The following EVPLL variants were observed in gnomAD, a reference collection of about 807,000 sequenced individuals.
EVPLL encodes envoplakin like, also known as envoplakin-like protein.
In EVPLL, 39 loss-of-function variants were observed where a neutral mutation model predicts 46.2. That is an observed-to-expected ratio of 0.84 (90% CI 0.65 to 1.10). The LOEUF (loss-of-function observed/expected upper bound fraction) is 1.10, where lower values mean the gene tolerates loss of function less well. EVPLL is among the 50% of genes least tolerant of loss of function. The pLI is 0.00. For missense variants in EVPLL, 385 were observed against 412.6 expected (o/e 0.93, Z 0.58); for synonymous variants, 156 against 165.8 (o/e 0.94, Z 0.46).
chr17:18,382,657 T>C lies in EVPLL; in HGVS notation c.472+19T>C. On this transcript the variant is annotated intron_variant, in intron 5 of 10. Coordinates refer to ENST00000399134, the MANE Select transcript of EVPLL (RefSeq NM_001145127.2). ...GGGGCCGGTGGGTGAGCCGGGAAGA[T>C]GTTACATCCGGGGCCAGCCCCAGCC... 1 of 1,551,494 alleles carries C rather than the reference T, an allele frequency of 6.4e-7. No homozygotes were observed. Among genetic ancestry groups the C allele is most frequent in the Non-Finnish European group, 8.7e-7 (1 of 1,147,048 alleles).
Position 18,381,280 on chromosome 17 carries a change from C to A in EVPLL, c.64-87C>A. On this transcript the variant is annotated intron_variant, in intron 2 of 10. Coordinates refer to ENST00000399134, the MANE Select transcript of EVPLL (RefSeq NM_001145127.2). The surrounding 1 kb of genome is among the most constrained non-coding windows in gnomAD (Gnocchi z 4.2). ...AGGTTGGCCAGCATAGCTGGGGTCC[C>A]AAAGGTGGGGCTCAGGCCCACAATG... 6.8e-7 allele frequency: 1 copy of A among 1,463,496 alleles called. No homozygotes were observed. Among genetic ancestry groups the A allele is most frequent in the Non-Finnish European group, 9.0e-7 (1 of 1,107,560 alleles). 90.7% of individuals were successfully genotyped at this position (1,463,496 alleles called of 1,614,324 possible).
At chr17:18,382,447 G>A in intron 4 of EVPLL, 66 bp from the exon 5 acceptor site, 1 of 1,541,262 alleles carries the variant, frequency 6.5e-7, no homozygotes, top group Non-Finnish European at 8.8e-7. Flanking sequence ...CCGGGTGGGA[G>A]ACGTGTGGGG....
At chr17:18,378,136 T>C (rs1487643550) in intron 1 of EVPLL, among the ~76,000 whole-genome samples, 153 bp downstream of exon 1, 29 of 152,144 alleles carry the variant, frequency 1.9e-4, no homozygotes, top group Admixed American at 1.9e-3. Context: ...GGGTGGACTC[T>C]CTCCCTGCCT....
At chr17:18,384,322 C>T (rs769002805) in intron 9 of EVPLL, among the ~76,000 whole-genome samples, 1 of 150,946 alleles carries the variant, frequency 6.6e-6, no homozygotes, top group Non-Finnish European at 1.5e-5. Flanking sequence ...AAAATAAAAA[C>T]TAGCCAGGCA....
At chr17:18,386,161 C>T (rs1029192760) in intron 9 of EVPLL, among the ~76,000 whole-genome samples, 1 of 152,166 alleles carries the variant, frequency 6.6e-6, no homozygotes, top group African/African-American at 2.4e-5. Context: ...CGGGAAGGCT[C>T]TGTTCCAGGT....
Position 18,382,603 on chromosome 17 carries a change from G to T in EVPLL, c.437G>T (p.Arg146Leu), listed in dbSNP as rs1346120196. The stretch of plus-strand genomic sequence containing the variant: ...CAACATCGTGCAGAAGGAGATCAAC[G>T]ACCAAGGAGAGCAGCTGCGGAGCCT... ...GAQHRAEGDQRPRRAAAEPGG... is the reference protein window; with the variant it reads ...GAQHRAEGDQLPRRAAAEPGG... The change falls in exon 5 of 11, where the codon CGA (arginine) becomes CTA (leucine). Residue 146 changes from arginine (R) to leucine (L), a missense_variant. Coordinates refer to ENST00000399134, the MANE Select transcript of EVPLL (RefSeq NM_001145127.2). 1.9e-6 allele frequency: 3 copies of T among 1,551,816 alleles called. No individual in the cohort carries two copies. Among genetic ancestry groups the T allele is most frequent in the African/African-American group, 1.4e-5 (1 of 73,062 alleles).
Position 18,388,240 on chromosome 17 carries a change from C to T in EVPLL, c.898C>T (p.Pro300Ser), listed in dbSNP as rs545609966. ...YSRILCPSSS[P>S]H ...ACAGATTCTGTGTCCATCTTCCTCT[C>T]CTCATTGACTCTGCATGAAGGGGAT... Residue 300 changes from proline (P) to serine (S), a missense_variant, in exon 10 of 11, where the codon CCT becomes TCT. Transcript: ENST00000399134. 24 of 1,477,728 alleles carry T rather than the reference C, an allele frequency of 1.6e-5. No individual in the cohort carries two copies. In the South Asian group the frequency reaches 2.7e-4, roughly 16 times the overall value. 91.5% of individuals were successfully genotyped at this position (1,477,728 alleles called of 1,614,324 possible). A position where few individuals can be genotyped will look rare whatever the true frequency, so the allele number is the denominator to read the frequency against.
At chr17:18,379,660 C>T (rs763693000) in intron 1 of EVPLL, among the ~76,000 whole-genome samples, 5 of 152,220 alleles carry the variant, frequency 3.3e-5, no homozygotes, top group Non-Finnish European at 5.9e-5. Context: ...TTGACATGAA[C>T]TTACTGAGCA....
At position 18,383,353 on chromosome 17, in the gene EVPLL, G is replaced by C; in HGVS notation, c.755G>C (p.Arg252Pro). ...EEDGKRMVEL[R>P]HPAVGPIQAH... ...GACGGCAAGCGCATGGTGGAGCTGC[G>C]GCACCCCGCGGTGGGGCCCATCCAG... The change falls in exon 8 of 11, where the codon CGG becomes CCG. Residue 252 changes from arginine (R) to proline (P), a missense_variant. Coordinates refer to ENST00000399134, the MANE Select transcript of EVPLL (RefSeq NM_001145127.2). The C allele has an allele frequency of 1.2e-6, 2 of 1,602,418 alleles. No individual in the cohort carries two copies. The highest frequency in any genetic ancestry group is 1.7e-6 in the Non-Finnish European group (2 of 1,175,626).
intron 5 of EVPLL, 76 bp from the exon 6 acceptor site, chr17:18,382,750 G>C: frequency 6.4e-7 from 1 of 1,561,942 alleles, no homozygotes; most frequent in South Asian, 1.2e-5. Context: ...GTGGGGTATG[G>C]CTTGCCCAGA....
chr17:18,384,202 C>T (rs1013029053), intron 9 of EVPLL, among the ~76,000 whole-genome samples: 1 of 152,120 alleles, frequency 6.6e-6, no homozygotes, highest in Non-Finnish European at 1.5e-5. Flanking sequence ...TGTGGTGGCT[C>T]ACACCTGTAA....
chr17:18,381,299 C>G lies in EVPLL; in HGVS notation c.64-68C>G. 1 of 1,480,848 alleles carries G rather than the reference C, an allele frequency of 6.8e-7. No homozygotes were observed. Among genetic ancestry groups the G allele is most frequent in the Non-Finnish European group, 9.0e-7 (1 of 1,114,134 alleles). 91.7% of individuals were successfully genotyped at this position (1,480,848 alleles called of 1,614,324 possible). On this transcript the variant is annotated intron_variant, in intron 2 of 10. Coordinates refer to ENST00000399134, the MANE Select transcript of EVPLL (RefSeq NM_001145127.2). The surrounding 1 kb of genome is among the most constrained non-coding windows in gnomAD (Gnocchi z 4.2). ...GGGTCCCAAAGGTGGGGCTCAGGCC[C>G]ACAATGATGGGCAGCAGGGGTGTGG...
chr17:18,377,941 C>A lies in EVPLL; in HGVS notation c.-79C>A. On this transcript the variant is annotated 5_prime_UTR_variant, in exon 1 of 11. Transcript: ENST00000399134. ...GGGAAGGGGTCCCCCAAGGACTCCC[C>A]AGCCAAGGGGTCCCCCAAAGGCTCC... 1.8e-6 allele frequency: 2 copies of A among 1,097,200 alleles called. No homozygotes were observed. Among genetic ancestry groups the A allele is most frequent in the Non-Finnish European group, 2.5e-6 (2 of 794,866 alleles). The allele number at this position is 1,097,200 out of a possible 1,614,324, so 68.0% of individuals were successfully genotyped here.
chr17:18,378,132 ACT>A, intron 1 of EVPLL, 149 bp downstream of exon 1: 1 of 336,148 alleles, frequency 3.0e-6, no homozygotes, highest in South Asian at 8.4e-5. Context: ...CCAGGGGTGG[ACT>A]CTCTCCCTGC....
chr17:18,382,449 C>T (rs1212579455), intron 4 of EVPLL, 64 bp from the exon 5 acceptor site: 15 of 1,542,298 alleles, frequency 9.7e-6, no homozygotes, highest in Non-Finnish European at 1.3e-5. Flanking sequence ...GGGTGGGAGA[C>T]GTGTGGGGTT....
intron 10 of EVPLL, 176 bp downstream of exon 10, chr17:18,388,464 G>T: frequency 1.8e-6 from 1 of 545,022 alleles, no homozygotes; most frequent in Non-Finnish European, 3.4e-6. Context: ...GCAGAGTGGG[G>T]TACCTGGGTT....
chr17:18,378,421 G>A lies in EVPLL; in HGVS notation c.-37+438G>A, dbSNP rs555156203. ...GGCATGAGGACTGAGGGGGTGGGGT[G>A]GGATCCCTGGGGTAGGGATGCAGGG... On this transcript the variant is annotated intron_variant, in intron 1 of 10. Transcript: ENST00000399134. Among the ~76,000 whole-genome samples, 39 of 152,202 alleles carry A rather than the reference G, an allele frequency of 2.6e-4. 1 individual carries two copies. In the South Asian group the frequency reaches 7.5e-3, roughly 29 times the overall value.
intron 1 of EVPLL, among the ~76,000 whole-genome samples, chr17:18,378,442 C>T (rs903398551): frequency 1.3e-5 from 2 of 152,066 alleles, no homozygotes; most frequent in African/African-American, 4.8e-5. Flanking sequence ...GGTAGGGATG[C>T]AGGGGCTGTG....
Position 18,383,275 on chromosome 17 carries a change from T to C in EVPLL, c.677T>C (p.Phe226Ser). The part of the protein sequence containing the change: ...PAGVRREYEH[F>S]KQHELLSQEQ... ...CCCCACCCGACTCGCCCCCAGCACT[T>C]CAAGCAGCACGAGCTGCTGAGCCAG... The change falls in exon 8 of 11, where the codon TTC (phenylalanine) becomes TCC (serine). Residue 226 changes from phenylalanine to serine, a missense_variant. Phe to Ser is a radical substitution (Grantham distance 155, BLOSUM62 -2). Transcript: ENST00000399134. 1 of 1,586,850 alleles carries C rather than the reference T, an allele frequency of 6.3e-7. No individual in the cohort carries two copies. The highest frequency in any genetic ancestry group is 8.6e-7 in the Non-Finnish European group (1 of 1,168,672).
Sources: gnomAD v4.1 joint callset for allele counts (sites outside exome capture counted in the v4.1 genomes callset) on GRCh38, gnomAD v4.1.1 for gene constraint, Gnocchi (gnomAD v3.1) non-coding constraint, MANE v1.5 for transcripts, NCBI Gene and HGNC (gene_info 2026-07-23, HGNC 2026-07-21) for gene names.